Variants in TEX22 observed in about 807,000 individuals in gnomAD.
TEX22 encodes the protein testis expressed 22, also known as testis-expressed protein 22.
Under a neutral mutation model 11.3 loss-of-function variants are expected in TEX22, and 16 were observed. That is an observed-to-expected ratio of 1.42 (90% confidence interval 0.96 to 2.15). TEX22 has a LOEUF of 2.15. Ranked by LOEUF, TEX22 falls within the 30% of genes most tolerant of loss-of-function variation. TEX22 has a pLI of 0.00. For synonymous variants in TEX22, 97 were observed against 92.3 expected, an observed-to-expected ratio of 1.05 and a Z score of -0.29; for missense variants, 220 against 208.6, an observed-to-expected ratio of 1.05 and a Z score of -0.34.
intron 2 of TEX22, among the ~76,000 whole-genome samples, chr14:105,400,683 G>T (rs1376844264): frequency 6.6e-6 from 1 of 152,218 alleles, no homozygotes; most frequent in African/African-American, 2.4e-5. Context: ...GGTAATGGTG[G>T]TTGAGGACAA....
At chr14:105,409,822 GCTGGA>G (rs147514800) in intron 2 of TEX22, among the ~76,000 whole-genome samples, 1,897 of 148,430 alleles carry the variant, frequency 0.013, 22 homozygotes, top group Non-Finnish European at 0.021. Context: ...TGTCACCCAG[GCTGGA>G]GTGCAGTGGC....
intron 1 of TEX22, 106 bp from the exon 2 acceptor site, chr14:105,399,196 A>G: frequency 1.5e-6 from 1 of 667,512 alleles, no homozygotes; most frequent in Non-Finnish European, 2.5e-6. Context: ...AGGTGACCCT[A>G]GCAGACCGCG....
At position 105,412,117 on chromosome 14, in the gene TEX22, C is replaced by A. The variant is rs1277909919; in HGVS notation, c.*284C>A. 4 of 309,376 alleles carry A rather than the reference C, an allele frequency of 1.3e-5. No homozygotes were observed. Among genetic ancestry groups the A allele is most frequent in the Non-Finnish European group, 2.4e-5 (4 of 167,912 alleles). 19.2% of individuals were successfully genotyped at this position (309,376 alleles called of 1,614,324 possible). On this transcript the variant is annotated 3_prime_UTR_variant, in exon 4 of 4. Coordinates refer to ENST00000451127, the MANE Select transcript of TEX22 (RefSeq NM_001195082.2). This position sits in a 1 kb window ranked among gnomAD's most constrained non-coding sequence, Gnocchi z 5.8. ...TAGCAGGAGCTTGCCCTCGGGGCCGCTGGGAGGAGGCCTGGGGTACCTGGG... is the reference window on the plus strand; with the variant it reads ...TAGCAGGAGCTTGCCCTCGGGGCCGATGGGAGGAGGCCTGGGGTACCTGGG...
At chr14:105,400,110 G>A (rs782602434) in intron 2 of TEX22, among the ~76,000 whole-genome samples, 2 of 152,220 alleles carry the variant, frequency 1.3e-5, no homozygotes, top group Non-Finnish European at 2.9e-5. Context: ...ACTTTTGGAA[G>A]GTTCAAAGCC....
chr14:105,399,578 G>C, intron 2 of TEX22, 88 bp downstream of exon 2: 1 of 1,399,002 alleles, frequency 7.1e-7, no homozygotes, highest in Non-Finnish European at 9.4e-7. Context: ...GGCTGGTCGT[G>C]ATGAGCAGCC....
intron 2 of TEX22, among the ~76,000 whole-genome samples, chr14:105,401,571 G>A (rs587686285): frequency 5.6e-4 from 73 of 130,154 alleles, no homozygotes; most frequent in Admixed American, 1.8e-3. Context: ...ATCACACACC[G>A]GGGACTCTTG....
intron 2 of TEX22, among the ~76,000 whole-genome samples, chr14:105,402,201 G>A (rs2081631118): frequency 1.3e-5 from 2 of 151,844 alleles, no homozygotes; most frequent in Non-Finnish European, 2.9e-5. Context: ...TAAATAAACA[G>A]TATTCTGGAA....
intron 2 of TEX22, among the ~76,000 whole-genome samples, chr14:105,407,521 C>T (rs781875925): frequency 4.6e-5 from 7 of 151,996 alleles, no homozygotes; most frequent in South Asian, 4.1e-4. Context: ...TGTAGGTACA[C>T]GTCACCATGC....
intron 2 of TEX22, among the ~76,000 whole-genome samples, chr14:105,409,430 T>G (rs1485919998): frequency 2.0e-5 from 3 of 152,198 alleles, no homozygotes; most frequent in African/African-American, 7.2e-5. Context: ...TTTTAAGGCT[T>G]TGTCCATCAC....
rs1188836552 is a variant in TEX22 at position 105,411,713 on chromosome 14, G to A, written c.333G>A (p.Val111=). The change falls in exon 4 of 4, where the codon GTG becomes GTA. Residue 111 remains valine (V), a synonymous_variant. Coordinates refer to ENST00000451127, the MANE Select transcript of TEX22 (RefSeq NM_001195082.2). Reference sequence around the variant, plus strand: ...TGTCGGAGGACGTGGACAAGGACGTGCTCCTTCCCCACCCGCTGAGGTCCA... The same window carrying A: ...TGTCGGAGGACGTGGACAAGGACGTACTCCTTCCCCACCCGCTGAGGTCCA... ...QLVSEDVDKD[V]LLPHPLRSTE... is the part of the protein sequence containing the mutation. The A allele has an allele frequency of 5.9e-6, 9 of 1,529,738 alleles. No individual in the cohort carries two copies. Among genetic ancestry groups the A allele is most frequent in the Non-Finnish European group, 7.9e-6 (9 of 1,143,674 alleles). 94.8% of individuals were successfully genotyped at this position (1,529,738 alleles called of 1,614,324 possible).
chr14:105,403,594 A>T (rs984683670), intron 2 of TEX22, among the ~76,000 whole-genome samples: 3 of 152,082 alleles, frequency 2.0e-5, no homozygotes, highest in African/African-American at 4.8e-5. Flanking sequence ...AGCTAATTTT[A>T]AAAAAATTTT....
chr14:105,404,435 G>A (rs1279458662), intron 2 of TEX22, among the ~76,000 whole-genome samples: 1 of 152,212 alleles, frequency 6.6e-6, no homozygotes, highest in Non-Finnish European at 1.5e-5. Context: ...GAGAGGGGAC[G>A]ACACAGGGGC....
chr14:105,411,521 G>GGGGGGGCC, intron 3 of TEX22, 25 bp downstream of exon 3: 10 of 458,490 alleles, frequency 2.2e-5, no homozygotes, highest in East Asian at 1.8e-4. Context: ...GGTCCTCCCC[G>GGGGGGGCC]CCCCGTCCCC....
chr14:105,398,707 C>T (rs1222835190), intron 1 of TEX22, 72 bp downstream of exon 1: 4 of 150,202 alleles, frequency 2.7e-5, no homozygotes, highest in Admixed American at 2.6e-4. Context: ...TGTACCCCGC[C>T]CCCCCGCCGA....
intron 2 of TEX22, among the ~76,000 whole-genome samples, chr14:105,402,258 T>G (rs1457385584): frequency 6.6e-6 from 1 of 152,192 alleles, no homozygotes; most frequent in Non-Finnish European, 1.5e-5. Flanking sequence ...TGTAAATATC[T>G]GAAAAGATGA....
At chr14:105,407,135 T>C (rs1408920339) in intron 2 of TEX22, among the ~76,000 whole-genome samples, 2 of 151,884 alleles carry the variant, frequency 1.3e-5, no homozygotes, top group Non-Finnish European at 2.9e-5. Context: ...TGGCGTGATC[T>C]TGGCTCACTG....
chr14:105,411,491 T>A lies in TEX22; in HGVS notation c.274T>A (p.Cys92Ser), dbSNP rs925415788. 227 of 1,251,604 alleles carry A rather than the reference T, an allele frequency of 1.8e-4. No homozygotes were observed. Among genetic ancestry groups the A allele is most frequent in the Admixed American group, 2.5e-4 (6 of 23,718 alleles). The allele number at this position is 1,251,604 out of a possible 1,614,324, so 77.5% of individuals were successfully genotyped here. A position where few individuals can be genotyped will look rare whatever the true frequency, so the allele number is the denominator to read the frequency against. Residue 92 changes from cysteine to serine, a missense_variant, in exon 3 of 4, where the codon TGC (cysteine) becomes AGC (serine). By Grantham distance (112) the Cys-to-Ser change is moderately radical. Coordinates refer to ENST00000451127, the MANE Select transcript of TEX22 (RefSeq NM_001195082.2). The stretch of plus-strand genomic sequence containing the variant: ...GGGCGCCGCCGGGACCCAGCTGCAC[T>A]GCAGGGTGCGCGGGGGGCGGGTCCT... ...RPGAAGTQLH[C>S]RDVVQMVAQL...
rs587716092 is a variant in TEX22, at chr14:105,409,787, T to C, written c.151-1581T>C. Among the ~76,000 whole-genome samples the C allele has an allele frequency of 5.5e-5, 8 of 145,840 alleles. No individual in the cohort carries two copies. In the South Asian group the frequency reaches 8.6e-4, roughly 16 times the overall value. ...TCCTTCTTTTTCTTTCTCTCTCTCT[T>C]TTTTTTTTTTCCAGAGTCTTACTCT... On this transcript the variant is annotated intron_variant, in intron 2 of 3. Transcript: ENST00000451127.
intron 2 of TEX22, among the ~76,000 whole-genome samples, chr14:105,399,833 A>C (rs1271213021): frequency 6.6e-6 from 1 of 151,786 alleles, no homozygotes; most frequent in African/African-American, 2.4e-5. Context: ...GAGGGAAAGC[A>C]AGGTCCCCAG....
Sources: gnomAD v4.1 joint callset for allele counts (sites outside exome capture counted in the v4.1 genomes callset) on GRCh38, gnomAD v4.1.1 for gene constraint, Gnocchi (gnomAD v3.1) non-coding constraint, MANE v1.5 for transcripts, NCBI Gene and HGNC (gene_info 2026-07-23, HGNC 2026-07-21) for gene names.